The following GTF2H5 variants were observed in gnomAD, a reference collection of about 807,000 sequenced individuals.
GTF2H5 encodes general transcription factor IIH subunit 5.
In GTF2H5, 5 loss-of-function variants were observed where a neutral mutation model predicts 7.1. The observed-to-expected ratio is 0.71, with a 90% CI of 0.37 to 1.49. The LOEUF is 1.49. GTF2H5 is among the 40% of genes most tolerant of loss of function. The probability of loss-of-function intolerance (pLI) is 0.03; values close to 1 mark genes in which losing one functional copy is unlikely to be tolerated. For synonymous variants in GTF2H5, 30 were observed against 31.7 expected, an observed-to-expected ratio of 0.95 and a Z score of 0.18; for missense variants, 80 against 83.0, an observed-to-expected ratio of 0.96 and a Z score of 0.14.
chr6:158,173,987 C>T (rs1304967721), intron 2 of GTF2H5, among the ~76,000 whole-genome samples: 1 of 152,114 alleles, frequency 6.6e-6, no homozygotes, highest in Non-Finnish European at 1.5e-5. Flanking sequence ...TGTAAACTGT[C>T]GTGGTGCTGG....
chr6:158,169,542 T>A (rs1583624605), intron 1 of GTF2H5, among the ~76,000 whole-genome samples: 1 of 90,978 alleles, frequency 1.1e-5, no homozygotes, highest in South Asian at 3.3e-4. Context: ...ATATTATATA[T>A]AATATACTGT....
intron 2 of GTF2H5, among the ~76,000 whole-genome samples, chr6:158,191,565 C>T (rs1387377731): frequency 6.6e-6 from 1 of 151,768 alleles, no homozygotes; most frequent in African/African-American, 2.4e-5. Flanking sequence ...TCACTGCAAG[C>T]TCTGCCTCCC....
chr6:158,180,497 T>G (rs886556832), intron 2 of GTF2H5, among the ~76,000 whole-genome samples: 2 of 152,210 alleles, frequency 1.3e-5, no homozygotes, highest in Non-Finnish European at 2.9e-5. Flanking sequence ...ATCCATCTGG[T>G]CCTGGACTTT....
chr6:158,192,311 G>T lies in GTF2H5; in HGVS notation c.*154G>T. The T allele has an allele frequency of 1.6e-6, 1 of 613,118 alleles. No homozygotes were observed. Among genetic ancestry groups the T allele is most frequent in the South Asian group, 1.9e-5 (1 of 52,164 alleles). The allele number at this position is 613,118 out of a possible 1,614,324, so 38.0% of individuals were successfully genotyped here. ...TCATGATCATTTGTTCAGAAAAAAA[G>T]CCCCTGAACTGATTTTGTTACCATA... On this transcript the variant is annotated 3_prime_UTR_variant, in exon 3 of 3. Transcript: ENST00000607778.
At chr6:158,183,672 G>A (rs1786039069) in intron 2 of GTF2H5, among the ~76,000 whole-genome samples, 2 of 152,234 alleles carry the variant, frequency 1.3e-5, no homozygotes, top group Non-Finnish European at 2.9e-5. Context: ...TGCGCTAGCA[G>A]CAAGCAAGGC....
chr6:158,189,107 C>T (rs1776979586), intron 2 of GTF2H5, among the ~76,000 whole-genome samples: 1 of 152,184 alleles, frequency 6.6e-6, no homozygotes, highest in Non-Finnish European at 1.5e-5. Flanking sequence ...CTGACTTTGT[C>T]CTGAGCTCAC....
chr6:158,196,514 A>T lies in GTF2H5; in HGVS notation c.*4357A>T, dbSNP rs113671169. On this transcript the variant is annotated 3_prime_UTR_variant, in exon 3 of 3. Coordinates refer to ENST00000607778, the MANE Select transcript of GTF2H5 (RefSeq NM_207118.3). ...GAAAATGCATATTATGAAAAAAATT[A>T]TGCATAGATTTCAAAAATCTTTGCA... The T allele has an allele frequency of 3.3e-5, 5 of 152,240 alleles. No homozygotes were observed. Among genetic ancestry groups the T allele is most frequent in the Non-Finnish European group, 7.3e-5 (5 of 68,042 alleles). 9.4% of individuals were successfully genotyped at this position (152,240 alleles called of 1,614,324 possible).
chr6:158,168,534 C>T (rs1010731191), intron 1 of GTF2H5, 139 bp downstream of exon 1: 1 of 152,394 alleles, frequency 6.6e-6, no homozygotes, highest in Non-Finnish European at 1.5e-5. Context: ...GTCCCCCACT[C>T]TCTCCGGGCC....
chr6:158,169,481 TA>T (rs1785743561), intron 1 of GTF2H5, among the ~76,000 whole-genome samples: 1 of 65,326 alleles, frequency 1.5e-5, no homozygotes, highest in African/African-American at 7.8e-5. Flanking sequence ...ATATTATATA[TA>T]ATATATTGTA....
rs1225265194 is a variant in GTF2H5, at chr6:158,199,104, T to C, written c.*6947T>C. 6.6e-6 allele frequency: 1 copy of C among 152,218 alleles called. No homozygotes were observed. Among genetic ancestry groups the C allele is most frequent in the East Asian group, 1.9e-4 (1 of 5,202 alleles). The allele number at this position is 152,218 out of a possible 1,614,324, so 9.4% of individuals were successfully genotyped here. On this transcript the variant is annotated 3_prime_UTR_variant, in exon 3 of 3. Coordinates refer to ENST00000607778, the MANE Select transcript of GTF2H5 (RefSeq NM_207118.3). ...GTTTTAGGAATGCTTGTCAAATTCG[T>C]CACTAAAATTGATTTACTTTCTTGA... is the stretch of plus-strand genomic sequence containing the variant.
chr6:158,190,932 T>A lies in GTF2H5; in HGVS notation c.36-1045T>A, dbSNP rs184697854. On this transcript the variant is annotated intron_variant, in intron 2 of 2. Coordinates refer to ENST00000607778, the MANE Select transcript of GTF2H5 (RefSeq NM_207118.3). ...GAGACATTTTGCTGTAAATCTGTAC[T>A]GCCCGAGAAGAAATTGTATCCCTCT... is the stretch of plus-strand genomic sequence containing the variant. 133 of 517,306 alleles carry A rather than the reference T, an allele frequency of 2.6e-4. 1 individual carries two copies. The East Asian group carries it at 6.9e-3, about 27-fold the overall frequency. 32.0% of individuals were successfully genotyped at this position (517,306 alleles called of 1,614,324 possible).
At chr6:158,169,601 CATATAT>C (rs1562468780) in intron 1 of GTF2H5, among the ~76,000 whole-genome samples, 14 of 44,560 alleles carry the variant, frequency 3.1e-4, no homozygotes, top group African/African-American at 1.5e-3. Context: ...TTGTATATTA[CATATAT>C]TGTATATTAC....
In GTF2H5 at chr6:158,194,267, A is replaced by G. The variant is rs1229337320; in HGVS notation, c.*2110A>G. 10 of 152,202 alleles carry G rather than the reference A, an allele frequency of 6.6e-5. No individual in the cohort carries two copies. Among genetic ancestry groups the G allele is most frequent in the Non-Finnish European group, 2.9e-5 (2 of 68,022 alleles). The allele number at this position is 152,202 out of a possible 1,614,324, so 9.4% of individuals were successfully genotyped here. On this transcript the variant is annotated 3_prime_UTR_variant, in exon 3 of 3. Coordinates refer to ENST00000607778, the MANE Select transcript of GTF2H5 (RefSeq NM_207118.3). ...CCCGAGCAAGTTAGAGGAACGCCAC[A>G]CTTTGAGACGAATTTAAAAGTCCTT...
Position 158,196,525 on chromosome 6 carries a change from T to A in GTF2H5, c.*4368T>A, listed in dbSNP as rs2128432983. 6.6e-6 allele frequency: 1 copy of A among 152,280 alleles called. No homozygotes were observed. The highest frequency in any genetic ancestry group is 2.1e-4 in the South Asian group (1 of 4,824). 9.4% of individuals were successfully genotyped at this position (152,280 alleles called of 1,614,324 possible). A position where few individuals can be genotyped will look rare whatever the true frequency, so the allele number is the denominator to read the frequency against. On this transcript the variant is annotated 3_prime_UTR_variant, in exon 3 of 3. Coordinates refer to ENST00000607778, the MANE Select transcript of GTF2H5 (RefSeq NM_207118.3). ...TTATGAAAAAAATTATGCATAGATT[T>A]CAAAAATCTTTGCAGCAAAATAAAC...
At chr6:158,174,199 C>T (rs1785899148) in intron 2 of GTF2H5, among the ~76,000 whole-genome samples, 1 of 152,128 alleles carries the variant, frequency 6.6e-6, no homozygotes, top group Admixed American at 6.5e-5. Context: ...CTTCCACTGT[C>T]CCAGGAATCT....
Position 158,192,775 on chromosome 6 carries a change from A to T in GTF2H5, c.*618A>T, listed in dbSNP as rs1452296153. 4 of 154,230 alleles carry T rather than the reference A, an allele frequency of 2.6e-5. No individual in the cohort carries two copies. Among genetic ancestry groups the T allele is most frequent in the African/African-American group, 9.7e-5 (4 of 41,356 alleles). 9.6% of individuals were successfully genotyped at this position (154,230 alleles called of 1,614,324 possible). The stretch of plus-strand genomic sequence containing the variant: ...CAAACTTTGTTGGTCACATTTTCCC[A>T]TCTGTATTCTTTTTTATTAAGAAAA... On this transcript the variant is annotated 3_prime_UTR_variant, in exon 3 of 3. Coordinates refer to ENST00000607778, the MANE Select transcript of GTF2H5 (RefSeq NM_207118.3).
In GTF2H5 at chr6:158,192,359, T is replaced by C; in HGVS notation, c.*202T>C. 1.8e-6 allele frequency: 1 copy of C among 547,958 alleles called. No homozygotes were observed. The highest frequency in any genetic ancestry group is 3.3e-6 in the Non-Finnish European group (1 of 307,524). The allele number at this position is 547,958 out of a possible 1,614,324, so 33.9% of individuals were successfully genotyped here. On this transcript the variant is annotated 3_prime_UTR_variant, in exon 3 of 3. Transcript: ENST00000607778. ...ATAGAATTTAAAAAAAAAAAAAGCT[T>C]TAACAGTTGGCTGTAATTTGGCTTT...
intron 2 of GTF2H5, among the ~76,000 whole-genome samples, chr6:158,187,252 T>TCC (rs1176301780): frequency 6.6e-6 from 1 of 151,894 alleles, no homozygotes; most frequent in Non-Finnish European, 1.5e-5. Flanking sequence ...CACCTCAGCC[T>TCC]CCCAAAGTGC....
intron 2 of GTF2H5, among the ~76,000 whole-genome samples, chr6:158,187,533 CA>C (rs1249565088): frequency 6.6e-6 from 1 of 152,126 alleles, no homozygotes; most frequent in Non-Finnish European, 1.5e-5. Flanking sequence ...TTTATTCCTA[CA>C]AAAAGTCTGT....
Sources: gnomAD v4.1 joint callset for allele counts (sites outside exome capture counted in the v4.1 genomes callset) on GRCh38, gnomAD v4.1.1 for gene constraint, MANE v1.5 for transcripts, NCBI Gene and HGNC (gene_info 2026-07-23, HGNC 2026-07-21) for gene names.